EFHC2: variants seen among roughly 807,000 people sequenced by gnomAD.
The protein encoded by EFHC2 is EF-hand domain containing 2.
A neutral mutation model predicts 52.7 loss-of-function variants in EFHC2; 18 were observed. That is an observed-to-expected ratio of 0.34 (90% CI 0.24 to 0.51). EFHC2 has a LOEUF of 0.51. Among genes scored for constraint, EFHC2 ranks in the 20% least tolerant of loss-of-function variants. EFHC2 has a pLI of 0.97. For missense variants in EFHC2, 513 were observed against 562.5 expected (o/e 0.91, Z 0.89); for synonymous variants, 203 against 204.1 (o/e 0.99, Z 0.04).
intron 3 of EFHC2, among the ~76,000 whole-genome samples, chrX:44,267,105 G>A (rs1037555106): frequency 1.8e-5 from 2 of 111,570 alleles, no homozygotes; most frequent in Non-Finnish European, 3.8e-5. Flanking sequence ...AGAAAATCAC[G>A]GCACATTTCT....
chrX:44,288,351 C>T (rs990344725), intron 2 of EFHC2, among the ~76,000 whole-genome samples: 6 of 109,293 alleles, frequency 5.5e-5, no homozygotes, highest in East Asian at 5.7e-4. Context: ...ACAGTTTACC[C>T]GCATGGAAAA....
intron 1 of EFHC2, among the ~76,000 whole-genome samples, chrX:44,323,034 G>C (rs1442262477): frequency 9.0e-6 from 1 of 111,134 alleles, no homozygotes; most frequent in Non-Finnish European, 1.9e-5. Flanking sequence ...GACCAAGTAT[G>C]ACTCCCTTAC....
chrX:44,338,765 CT>C (rs1280249476), intron 1 of EFHC2, among the ~76,000 whole-genome samples: 19 of 102,481 alleles, frequency 1.9e-4, no homozygotes, highest in Middle Eastern at 5.2e-3. Context: ...CATTAAATTC[CT>C]TTTTTTTTTA....
At position 44,287,954 on chromosome X, in the gene EFHC2, G is replaced by T. The variant is rs1240710856; in HGVS notation, c.232-15118C>A. The stretch of plus-strand genomic sequence containing the variant: ...CCCACTTTGTCTTGGGAGACAGAGG[G>T]ATTTGCTTTTTCAGTTGGTTTTTAT... On this transcript the variant is annotated intron_variant, in intron 2 of 14. Coordinates refer to ENST00000420999, the MANE Select transcript of EFHC2 (RefSeq NM_025184.4). Among the ~76,000 whole-genome samples, 6 of 112,048 alleles carry T rather than the reference G, an allele frequency of 5.4e-5. No homozygotes were observed. In the East Asian group the frequency reaches 1.7e-3, roughly 31 times the overall value.
At chrX:44,183,405 C>T (rs762789108) in intron 11 of EFHC2, among the ~76,000 whole-genome samples, 1 of 112,177 alleles carries the variant, frequency 8.9e-6, no homozygotes, top group Non-Finnish European at 1.9e-5. Flanking sequence ...AACAGAAACC[C>T]TTGCCGTATT....
intron 11 of EFHC2, among the ~76,000 whole-genome samples, chrX:44,200,083 T>C (rs184378822): frequency 1.1e-3 from 126 of 112,006 alleles, no homozygotes; most frequent in African/African-American, 3.8e-3. Flanking sequence ...CCAGTGTTAA[T>C]TGTTTGGGTT....
At chrX:44,159,396 T>C (rs2036633415) in intron 14 of EFHC2, among the ~76,000 whole-genome samples, 1 of 111,932 alleles carries the variant, frequency 8.9e-6, no homozygotes. Context: ...TTCAACATTG[T>C]GCTCAACCCC....
chrX:44,289,677 C>CTT (rs1207899077), intron 2 of EFHC2, among the ~76,000 whole-genome samples: 510 of 72,207 alleles, frequency 7.1e-3, no homozygotes, highest in South Asian at 0.016. Flanking sequence ...TCTTTTCTTT[C>CTT]TTTTTTTTTT....
intron 2 of EFHC2, among the ~76,000 whole-genome samples, chrX:44,303,862 AAAT>A (rs748095516): frequency 8.6e-4 from 96 of 111,789 alleles, no homozygotes; most frequent in Middle Eastern, 4.6e-3. Flanking sequence ...AAAAAAAAAG[AAAT>A]AATATTTTCA....
At chrX:44,204,234 CAAAA>C (rs61512189) in intron 11 of EFHC2, among the ~76,000 whole-genome samples, 1 of 55,466 alleles carries the variant, frequency 1.8e-5, no homozygotes, top group Non-Finnish European at 3.3e-5. Context: ...GTAGCAAACC[CAAAA>C]AAAAAAAAAA....
At chrX:44,316,975 G>C (rs747231310) in intron 1 of EFHC2, among the ~76,000 whole-genome samples, 4 of 111,868 alleles carry the variant, frequency 3.6e-5, no homozygotes, top group Non-Finnish European at 5.6e-5. Flanking sequence ...GTCATTACAA[G>C]AGTTACTATT....
At chrX:44,324,487 G>A (rs1432148020) in intron 1 of EFHC2, among the ~76,000 whole-genome samples, 1 of 111,039 alleles carries the variant, frequency 9.0e-6, no homozygotes, top group Non-Finnish European at 1.9e-5. Flanking sequence ...CAGTGGGTAA[G>A]AAGAACCCAT....
intron 2 of EFHC2, among the ~76,000 whole-genome samples, chrX:44,299,042 T>C (rs950781620): frequency 4.5e-5 from 5 of 110,300 alleles, no homozygotes; most frequent in African/African-American, 1.7e-4. Flanking sequence ...AATCTATATA[T>C]GGGATAAGAT....
intron 13 of EFHC2, among the ~76,000 whole-genome samples, chrX:44,171,921 A>C (rs766046839): frequency 1.3e-4 from 14 of 111,244 alleles, no homozygotes; most frequent in Middle Eastern, 4.6e-3. Context: ...AAACTTCATC[A>C]GTACACCAAA....
intron 2 of EFHC2, among the ~76,000 whole-genome samples, chrX:44,283,246 G>A (rs1042661070): frequency 1.8e-5 from 2 of 111,699 alleles, no homozygotes; most frequent in Admixed American, 9.5e-5. Context: ...GCAGTGGTAC[G>A]ATCTCAGCTC....
chrX:44,157,638 C>T (rs770390173), intron 14 of EFHC2, among the ~76,000 whole-genome samples: 31 of 110,517 alleles, frequency 2.8e-4, no homozygotes, highest in African/African-American at 9.9e-4. Context: ...CACTACTCTA[C>T]CTGCTGCTAT....
At chrX:44,339,152 T>C (rs1407420098) in intron 1 of EFHC2, among the ~76,000 whole-genome samples, 2 of 102,339 alleles carry the variant, frequency 2.0e-5, no homozygotes, top group Non-Finnish European at 3.9e-5. Context: ...GATGGCGCCA[T>C]TGCGCTCCAG....
At chrX:44,258,139 AT>A (rs1190949208) in intron 4 of EFHC2, among the ~76,000 whole-genome samples, 1 of 112,296 alleles carries the variant, frequency 8.9e-6, no homozygotes, top group Non-Finnish European at 1.9e-5. Context: ...TTAATTCAAG[AT>A]GGATTAAAGA....
At position 44,231,754 on chromosome X, in the gene EFHC2, A is replaced by G. The variant is rs757014642; in HGVS notation, c.1620+727T>C. On this transcript the variant is annotated intron_variant, in intron 10 of 14. Coordinates refer to ENST00000420999, the MANE Select transcript of EFHC2 (RefSeq NM_025184.4). ...ATGGCACATAAATATTATCACTTAT[A>G]GGTAAACTTTTAAAATAAAATTTTC... 2.7e-5 allele frequency among the ~76,000 whole-genome samples: 3 copies of G among 112,262 alleles called. No homozygotes were observed. The East Asian group carries it at 8.4e-4, about 31-fold the overall frequency.
Sources: gnomAD v4.1 joint callset for allele counts (sites outside exome capture counted in the v4.1 genomes callset) on GRCh38, gnomAD v4.1.1 for gene constraint, MANE v1.5 for transcripts, NCBI Gene and HGNC (gene_info 2026-07-23, HGNC 2026-07-21) for gene names.